Variants in CHN2 observed in about 807,000 individuals in gnomAD.
CHN2 encodes the protein beta-chimaerin.
A neutral mutation model predicts 56.3 loss-of-function variants in CHN2; 35 were observed. That is an observed-to-expected ratio of 0.62 (90% CI 0.47 to 0.82). The LOEUF (loss-of-function observed/expected upper bound fraction) is 0.82, where lower values mean the gene tolerates loss of function less well. CHN2 is among the 40% of genes least tolerant of loss of function. The pLI is 0.00. For synonymous variants in CHN2, 210 were observed against 212.8 expected (o/e 0.99, Z 0.12); for missense variants, 491 against 580.5 (o/e 0.85, Z 1.58).
intron 2 of CHN2, among the ~76,000 whole-genome samples, chr7:29,156,463 A>C (rs1794386541): frequency 6.6e-6 from 1 of 152,200 alleles, no homozygotes; most frequent in East Asian, 1.9e-4. Flanking sequence ...CTGAGGAAAA[A>C]AAAGTTAAAT....
At chr7:29,279,603 G>A (rs1791519376) in intron 1 of CHN2, among the ~76,000 whole-genome samples, 1 of 152,232 alleles carries the variant, frequency 6.6e-6, no homozygotes, top group South Asian at 2.1e-4. Flanking sequence ...AGAGGCTGGA[G>A]TGAAAGGCTG....
At chr7:29,472,618 A>G (rs1463986680) in intron 6 of CHN2, among the ~76,000 whole-genome samples, 1 of 152,176 alleles carries the variant, frequency 6.6e-6, no homozygotes, top group Non-Finnish European at 1.5e-5. Context: ...AACTCTTCAT[A>G]AAAGTCGAAA....
chr7:29,452,136 C>T (rs1201466128), intron 6 of CHN2, among the ~76,000 whole-genome samples: 5 of 152,230 alleles, frequency 3.3e-5, no homozygotes, highest in South Asian at 4.1e-4. Flanking sequence ...TTTTATTTTG[C>T]ATAGACCCCT....
intron 1 of CHN2, among the ~76,000 whole-genome samples, chr7:29,340,314 T>C (rs1585102384): frequency 6.6e-6 from 1 of 151,874 alleles, no homozygotes; most frequent in African/African-American, 2.4e-5. Flanking sequence ...ATTTCCTTTA[T>C]GTTATGAAAA....
chr7:29,382,695 C>A (rs1281548505), intron 3 of CHN2, among the ~76,000 whole-genome samples: 2 of 152,272 alleles, frequency 1.3e-5, no homozygotes, highest in South Asian at 4.2e-4. Flanking sequence ...AAGATCGCCA[C>A]GGCCCTAACT....
At chr7:29,459,572 G>C (rs1225800237) in intron 6 of CHN2, among the ~76,000 whole-genome samples, 1 of 152,184 alleles carries the variant, frequency 6.6e-6, no homozygotes, top group African/African-American at 2.4e-5. Flanking sequence ...TCATTGTCCA[G>C]GGTGGGGAAG....
At chr7:29,187,278 A>G (rs1418604954) in intron 2 of CHN2, among the ~76,000 whole-genome samples, 3 of 152,006 alleles carry the variant, frequency 2.0e-5, no homozygotes, top group Admixed American at 2.0e-4. Context: ...TTCTCACCCA[A>G]TGGGACTGGG....
intron 1 of CHN2, among the ~76,000 whole-genome samples, chr7:29,352,748 A>G (rs1217734818): frequency 6.6e-6 from 1 of 152,078 alleles, no homozygotes; most frequent in Non-Finnish European, 1.5e-5. Flanking sequence ...AAAAAACAAA[A>G]AAAGCAAAAA....
intron 2 of CHN2, among the ~76,000 whole-genome samples, chr7:29,148,323 G>A (rs984321461): frequency 6.6e-6 from 1 of 152,180 alleles, no homozygotes; most frequent in Non-Finnish European, 1.5e-5. Context: ...AACACAGGAG[G>A]AGCCATGCTG....
At chr7:29,300,923 A>T (rs1793611406) in intron 1 of CHN2, among the ~76,000 whole-genome samples, 1 of 152,230 alleles carries the variant, frequency 6.6e-6, no homozygotes, top group Non-Finnish European at 1.5e-5. Flanking sequence ...ATATTTTTTA[A>T]ATGTGTTTAT....
At chr7:29,179,323 C>T (rs1797776111) in intron 2 of CHN2, among the ~76,000 whole-genome samples, 1 of 152,218 alleles carries the variant, frequency 6.6e-6, no homozygotes, top group Non-Finnish European at 1.5e-5. Context: ...GCTCCCTTCA[C>T]TCTTTGCTAG....
intron 6 of CHN2, among the ~76,000 whole-genome samples, chr7:29,473,988 A>G (rs1357265340): frequency 6.6e-6 from 1 of 152,218 alleles, no homozygotes; most frequent in African/African-American, 2.4e-5. Context: ...AATGCAAAGA[A>G]TATAGAAGAA....
exon 1 of CHN2, chr7:29,146,599 A>C: frequency 6.5e-7 from 1 of 1,550,382 alleles, no homozygotes. Flanking sequence ...CCAGACCCAC[A>C]GGGCAAAAAG....
intron 6 of CHN2, among the ~76,000 whole-genome samples, chr7:29,475,974 T>C (rs1055039859): frequency 6.6e-5 from 10 of 152,184 alleles, no homozygotes; most frequent in African/African-American, 2.4e-4. Context: ...TGCAGAACAT[T>C]GTAAATGCAT....
chr7:29,319,956 A>G (rs1795219881), intron 1 of CHN2, among the ~76,000 whole-genome samples: 1 of 151,764 alleles, frequency 6.6e-6, no homozygotes, highest in Admixed American at 6.6e-5. Context: ...CATTTTCGTG[A>G]CTCTTTACTA....
At chr7:29,309,107 T>C (rs1047456445) in intron 1 of CHN2, among the ~76,000 whole-genome samples, 12 of 152,324 alleles carry the variant, frequency 7.9e-5, no homozygotes, top group Middle Eastern at 3.4e-3. Flanking sequence ...TCCACTATTA[T>C]AGCAAGGACA....
chr7:29,227,481 A>G (rs1469184412), intron 1 of CHN2, among the ~76,000 whole-genome samples: 1 of 152,202 alleles, frequency 6.6e-6, no homozygotes, highest in Non-Finnish European at 1.5e-5. Context: ...GTAAGTCCAT[A>G]TAGGTCTGCA....
intron 7 of CHN2, among the ~76,000 whole-genome samples, chr7:29,480,782 G>A (rs1787113092): frequency 6.6e-6 from 1 of 152,218 alleles, no homozygotes; most frequent in African/African-American, 2.4e-5. Flanking sequence ...TTTGTCTTTT[G>A]TTTTCAGTGA....
chr7:29,289,604 T>C (rs1792425928), intron 1 of CHN2, among the ~76,000 whole-genome samples: 1 of 152,048 alleles, frequency 6.6e-6, no homozygotes, highest in Non-Finnish European at 1.5e-5. Flanking sequence ...AAATACTTCT[T>C]TGGAACAAGC....
Sources: allele counts gnomAD v4.1 joint callset (sites outside exome capture counted in the v4.1 genomes callset), GRCh38; gene constraint gnomAD v4.1.1; transcripts MANE v1.5; gene names NCBI Gene and HGNC (gene_info 2026-07-23, HGNC 2026-07-21).